FBXO36: variants seen among roughly 807,000 people sequenced by gnomAD.
FBXO36 encodes the protein F-box only protein 36.
In FBXO36, 18 loss-of-function variants were observed where a neutral mutation model predicts 17.0. That is an observed-to-expected ratio of 1.06 (90% confidence interval 0.73 to 1.57). The LOEUF is 1.57. Among genes scored for constraint, FBXO36 ranks in the 40% most tolerant of loss-of-function variants. The probability of loss-of-function intolerance (pLI) is 0.00; values close to 1 mark genes in which losing one functional copy is unlikely to be tolerated. For synonymous variants in FBXO36, 83 were observed against 85.3 expected (o/e 0.97, Z 0.15); for missense variants, 229 against 221.9 (o/e 1.03, Z -0.20).
intron 1 of FBXO36, among the ~76,000 whole-genome samples, chr2:229,952,372 CA>C (rs2077061723): frequency 6.6e-6 from 1 of 152,130 alleles, no homozygotes; most frequent in Admixed American, 6.6e-5. Context: ...GTTTAAGACA[CA>C]GATAATAGAA....
chr2:229,936,223 CT>C (rs1393128214), intron 1 of FBXO36, among the ~76,000 whole-genome samples: 1 of 152,042 alleles, frequency 6.6e-6, no homozygotes, highest in African/African-American at 2.4e-5. Context: ...AACTCATCCC[CT>C]CTCTTCCATT....
chr2:229,951,805 C>T (rs1357062193), intron 1 of FBXO36, among the ~76,000 whole-genome samples: 1 of 152,146 alleles, frequency 6.6e-6, no homozygotes, highest in East Asian at 1.9e-4. Flanking sequence ...CAAGTGGAAA[C>T]AAGGAAAGAT....
chr2:229,993,913 G>A (rs934524003), intron 2 of FBXO36, among the ~76,000 whole-genome samples: 4 of 151,578 alleles, frequency 2.6e-5, no homozygotes, highest in Non-Finnish European at 4.4e-5. Flanking sequence ...CCACCACCAC[G>A]CCCGGCTAAT....
Position 229,999,474 on chromosome 2 carries a change from A to AGT in FBXO36, c.378+2564_378+2565dup, listed in dbSNP as rs749644808. ...TAGTACTTAATATATTCCTTTTGAGAGTGTGTGTGTGTGTATATATATATG... is the reference window on the plus strand; with the variant it reads ...TAGTACTTAATATATTCCTTTTGAGAGTGTGTGTGTGTGTGTATATATATATG... On this transcript the variant is annotated intron_variant, in intron 3 of 3. Coordinates refer to ENST00000283946, the MANE Select transcript of FBXO36 (RefSeq NM_174899.5). Among the ~76,000 whole-genome samples, 400 of 145,876 alleles carry AGT rather than the reference A, an allele frequency of 2.7e-3. 1 individual carries two copies. Among genetic ancestry groups the AGT allele is most frequent in the Non-Finnish European group, 4.2e-3 (278 of 66,792 alleles).
intron 1 of FBXO36, among the ~76,000 whole-genome samples, chr2:229,962,064 TC>T (rs2077124175): frequency 1.3e-5 from 2 of 151,694 alleles, no homozygotes; most frequent in African/African-American, 4.8e-5. Flanking sequence ...GCGCCTGTAA[TC>T]CCAGCTACCA....
chr2:229,931,914 G>A (rs2106154574), intron 1 of FBXO36, among the ~76,000 whole-genome samples: 1 of 112,808 alleles, frequency 8.9e-6, no homozygotes, highest in South Asian at 2.8e-4. Flanking sequence ...TTGTATATGT[G>A]TATATATTTT....
chr2:229,995,487 A>G (rs1188362223), intron 2 of FBXO36, among the ~76,000 whole-genome samples: 1 of 152,112 alleles, frequency 6.6e-6, no homozygotes, highest in Non-Finnish European at 1.5e-5. Flanking sequence ...TCTACAAAAA[A>G]AAATCATAAT....
At chr2:230,009,778 A>G (rs968475982) in intron 3 of FBXO36, among the ~76,000 whole-genome samples, 6 of 151,452 alleles carry the variant, frequency 4.0e-5, no homozygotes, top group African/African-American at 9.7e-5. Context: ...ACCTGTCTCT[A>G]TAAAAAAAAA....
intron 1 of FBXO36, among the ~76,000 whole-genome samples, chr2:229,943,790 T>A (rs568483970): frequency 6.6e-6 from 1 of 152,310 alleles, no homozygotes; most frequent in East Asian, 1.9e-4. Context: ...AGTAGCAGTG[T>A]CTGTTTGCTG....
At chr2:229,936,399 C>T (rs1159067762) in intron 1 of FBXO36, among the ~76,000 whole-genome samples, 1 of 152,142 alleles carries the variant, frequency 6.6e-6, no homozygotes, top group Non-Finnish European at 1.5e-5. Flanking sequence ...TAAAACAGAA[C>T]ACTTTTATGA....
intron 1 of FBXO36, among the ~76,000 whole-genome samples, chr2:229,958,860 G>A (rs1214374476): frequency 6.6e-6 from 1 of 152,184 alleles, no homozygotes; most frequent in Non-Finnish European, 1.5e-5. Context: ...ACTGTGCTAG[G>A]CATGTTTACA....
chr2:230,010,830 G>A lies in FBXO36; in HGVS notation c.513G>A (p.Arg171=), dbSNP rs764569053. 28 of 1,613,696 alleles carry A rather than the reference G, an allele frequency of 1.7e-5. No homozygotes were observed. The East Asian group carries it at 5.8e-4, about 33-fold the overall frequency. Reference sequence around the variant, plus strand: ...TCACCAACAAGCTCCAGCTCCAGCGGCAGCTCCGCAAGAGGAAACAAAAAT... The same window carrying A: ...TCACCAACAAGCTCCAGCTCCAGCGACAGCTCCGCAAGAGGAAACAAAAAT... ...LFFTNKLQLQ[R]QLRKRKQKYG... The change falls in exon 4 of 4, where the codon CGG becomes CGA. Residue 171 remains arginine, a synonymous_variant. Transcript: ENST00000283946.
At chr2:229,964,755 G>C (rs184655367) in intron 1 of FBXO36, among the ~76,000 whole-genome samples, 1 of 152,270 alleles carries the variant, frequency 6.6e-6, no homozygotes, top group East Asian at 1.9e-4. Context: ...TCCTGACCTC[G>C]TGATCCTTCC....
chr2:229,942,413 A>T (rs1041454373), intron 1 of FBXO36, among the ~76,000 whole-genome samples: 1 of 152,050 alleles, frequency 6.6e-6, no homozygotes, highest in Non-Finnish European at 1.5e-5. Flanking sequence ...CCTACCCTGC[A>T]TAAAAATGCT....
At chr2:229,942,501 A>G (rs1408040874) in intron 1 of FBXO36, among the ~76,000 whole-genome samples, 1 of 152,274 alleles carries the variant, frequency 6.6e-6, no homozygotes, top group South Asian at 2.1e-4. Flanking sequence ...GGAGATCACC[A>G]TGATTAGAAG....
intron 1 of FBXO36, among the ~76,000 whole-genome samples, chr2:229,926,015 C>T (rs567394274): frequency 8.0e-4 from 122 of 151,574 alleles, no homozygotes; most frequent in African/African-American, 2.9e-3. Context: ...AAGGGTTGGG[C>T]ACAGTGGCTC....
chr2:230,002,922 G>C (rs1390636494), intron 3 of FBXO36, among the ~76,000 whole-genome samples: 1 of 151,974 alleles, frequency 6.6e-6, no homozygotes, highest in Non-Finnish European at 1.5e-5. Context: ...CCTATTTTGG[G>C]GAGGGTTGAA....
At chr2:229,972,679 C>T (rs984486213) in intron 1 of FBXO36, among the ~76,000 whole-genome samples, 1 of 151,960 alleles carries the variant, frequency 6.6e-6, no homozygotes, top group African/African-American at 2.4e-5. Context: ...CTGCCTCAGC[C>T]TCCCAAAGTG....
intron 1 of FBXO36, among the ~76,000 whole-genome samples, chr2:229,923,931 C>T (rs933329220): frequency 1.4e-5 from 2 of 144,430 alleles, no homozygotes; most frequent in African/African-American, 5.2e-5. Flanking sequence ...CGGCTCACTG[C>T]GACCTCGTTT....
Sources: gnomAD v4.1 joint callset for allele counts (sites outside exome capture counted in the v4.1 genomes callset) on GRCh38, gnomAD v4.1.1 for gene constraint, MANE v1.5 for transcripts, NCBI Gene and HGNC (gene_info 2026-07-23, HGNC 2026-07-21) for gene names.